MYRIP: variants seen among roughly 807,000 people sequenced by gnomAD.
The protein encoded by MYRIP is myosin VIIA and Rab interacting protein.
MYRIP carries 49 observed loss-of-function variants against 98.0 expected under a neutral mutation model. That is an observed-to-expected ratio of 0.50 (90% CI 0.40 to 0.63). MYRIP has a LOEUF of 0.63. Among genes scored for constraint, MYRIP ranks in the 30% least tolerant of loss-of-function variants. The pLI is 0.00. For synonymous variants in MYRIP, 404 were observed against 409.5 expected (o/e 0.99, Z 0.16); for missense variants, 1,004 against 1,058.2 (o/e 0.95, Z 0.71).
chr3:39,809,313 G>C (rs908305790), upstream of MYRIP, among the ~76,000 whole-genome samples: 1 of 151,318 alleles, frequency 6.6e-6, no homozygotes, highest in Non-Finnish European at 1.5e-5. Flanking sequence ...ACTGCACTGC[G>C]CCGCAGGGAA....
intron 8 of MYRIP, among the ~76,000 whole-genome samples, chr3:40,174,966 AC>A (rs1395272711): frequency 6.6e-6 from 1 of 151,894 alleles, no homozygotes; most frequent in Non-Finnish European, 1.5e-5. Flanking sequence ...ACATGGTGAA[AC>A]CCCATCTCTA....
Position 40,212,223 on chromosome 3 carries a change from TATACACACACACACACACACAC to T in MYRIP, c.1905+2134_1905+2155del, listed in dbSNP as rs1559456819. On this transcript the variant is annotated intron_variant, in intron 11 of 16. Coordinates refer to ENST00000302541, the MANE Select transcript of MYRIP (RefSeq NM_015460.4). ...ATATATACGTGTGTGTATATATATA[TATACACACACACACACACACAC>T]ATATATATATATACACGTATATATA... Among the ~76,000 whole-genome samples the T allele has an allele frequency of 3.5e-3, 271 of 77,576 alleles. 27 individuals are homozygous for T. The highest frequency in any genetic ancestry group is 8.7e-3 in the African/African-American group (251 of 28,832). 50.9% of individuals were successfully genotyped at this position (77,576 alleles called of 152,430 possible).
At chr3:40,028,976 C>T (rs1430826035) in intron 2 of MYRIP, among the ~76,000 whole-genome samples, 3 of 152,066 alleles carry the variant, frequency 2.0e-5, no homozygotes, top group Non-Finnish European at 4.4e-5. Flanking sequence ...CTTTAAAATG[C>T]CATTGGAATT....
At chr3:39,923,409 G>A (rs1944346953) in intron 2 of MYRIP, among the ~76,000 whole-genome samples, 1 of 151,888 alleles carries the variant, frequency 6.6e-6, no homozygotes, top group South Asian at 2.1e-4. Context: ...CTATACTCTT[G>A]AAAACAGAGA....
At chr3:39,872,458 G>C (rs568843145) in intron 1 of MYRIP, among the ~76,000 whole-genome samples, 130 of 151,618 alleles carry the variant, frequency 8.6e-4, no homozygotes, top group Non-Finnish European at 1.6e-3. Context: ...TTTAGCATTA[G>C]TTATATCTCC....
chr3:40,248,502 G>A (rs1424615885), intron 13 of MYRIP: 1 of 152,170 alleles, frequency 6.6e-6, no homozygotes, highest in African/African-American at 2.4e-5. Context: ...TATAGAGAGA[G>A]AAGATACAGG....
rs376845795 is a variant in MYRIP, at chr3:40,164,196, C to A, written c.550+1386C>A. Among the ~76,000 whole-genome samples, 5 of 152,170 alleles carry A rather than the reference C, an allele frequency of 3.3e-5. No individual in the cohort carries two copies. In the East Asian group the frequency reaches 9.6e-4, roughly 29 times the overall value. On this transcript the variant is annotated intron_variant, in intron 5 of 16. Coordinates refer to ENST00000302541, the MANE Select transcript of MYRIP (RefSeq NM_015460.4). ...AGTACCTGTCAGCTCTGTTTTCAAT[C>A]TTACACTTTTCTTTCCATTCCACAG...
At chr3:39,877,788 C>T (rs1207324824) in intron 1 of MYRIP, among the ~76,000 whole-genome samples, 1 of 152,180 alleles carries the variant, frequency 6.6e-6, no homozygotes, top group Non-Finnish European at 1.5e-5. Context: ...GCTCGGGGGT[C>T]AGGGGTCAGG....
intron 4 of MYRIP, among the ~76,000 whole-genome samples, chr3:40,155,808 T>A (rs1191974253): frequency 3.3e-5 from 5 of 152,184 alleles, no homozygotes; most frequent in Admixed American, 6.5e-5. Context: ...AAGTGTCTGT[T>A]CATGTCCTTT....
chr3:40,052,428 A>G (rs1211533486), intron 3 of MYRIP, among the ~76,000 whole-genome samples: 1 of 152,208 alleles, frequency 6.6e-6, no homozygotes, highest in Non-Finnish European at 1.5e-5. Context: ...TGAAAAATAC[A>G]TTAAACAATT....
In MYRIP at chr3:39,891,098, T is replaced by C. The variant is rs75059121; in HGVS notation, c.-30-9689T>C. On this transcript the variant is annotated intron_variant, in intron 1 of 16. Transcript: ENST00000302541. ...AAATGAAATTTACATTTTTGTTTCTTATTTTCCCAGTTGCTTTTTAAACAA... is the reference window on the plus strand; with the variant it reads ...AAATGAAATTTACATTTTTGTTTCTCATTTTCCCAGTTGCTTTTTAAACAA... Among the ~76,000 whole-genome samples the C allele has an allele frequency of 9.2e-3, 1,403 of 152,300 alleles. 25 individuals are homozygous for C. Among genetic ancestry groups the C allele is most frequent in the African/African-American group, 0.032 (1,326 of 41,560 alleles).
Position 39,956,993 on chromosome 3 carries a change from C to T in MYRIP, c.110+56067C>T, listed in dbSNP as rs930270672. Among the ~76,000 whole-genome samples the T allele has an allele frequency of 1.6e-4, 24 of 151,712 alleles. No individual in the cohort carries two copies. In the East Asian group the frequency reaches 2.1e-3, roughly 13 times the overall value. On this transcript the variant is annotated intron_variant, in intron 2 of 16. Coordinates refer to ENST00000302541, the MANE Select transcript of MYRIP (RefSeq NM_015460.4). ...GACTAAACCAGGAAGAAGTTGAATC[C>T]CTGAATAGACCAATAACAGGCTCTG...
At chr3:40,222,310 G>GAAA (rs903414712) in intron 11 of MYRIP, among the ~76,000 whole-genome samples, 1 of 152,170 alleles carries the variant, frequency 6.6e-6, no homozygotes, top group African/African-American at 2.4e-5. Flanking sequence ...TTGTTGCTAT[G>GAAA]AAAAGGGGTG....
intron 2 of MYRIP, among the ~76,000 whole-genome samples, chr3:39,963,921 G>A (rs1945382088): frequency 6.6e-6 from 1 of 152,116 alleles, no homozygotes; most frequent in African/African-American, 2.4e-5. Flanking sequence ...CGGAAGGATT[G>A]TGTCTAGCCA....
intron 2 of MYRIP, among the ~76,000 whole-genome samples, chr3:40,012,617 C>A (rs139963831): frequency 6.6e-6 from 1 of 152,134 alleles, no homozygotes; most frequent in East Asian, 1.9e-4. Context: ...TCATTCTCCC[C>A]GCTTGTGGAT....
intron 3 of MYRIP, among the ~76,000 whole-genome samples, chr3:40,143,298 G>A (rs983481523): frequency 6.6e-6 from 1 of 152,188 alleles, no homozygotes; most frequent in Admixed American, 6.5e-5. Flanking sequence ...CCGACACAAA[G>A]GTTCTTCTCA....
At chr3:39,970,375 T>C (rs1265804103) in intron 2 of MYRIP, 1 of 152,164 alleles carries the variant, frequency 6.6e-6, no homozygotes, top group Non-Finnish European at 1.5e-5. Flanking sequence ...AGATATGAAG[T>C]TCATTTCATA....
chr3:40,085,875 A>G (rs1948615775), intron 3 of MYRIP, among the ~76,000 whole-genome samples: 1 of 152,216 alleles, frequency 6.6e-6, no homozygotes. Context: ...TCTGACATTC[A>G]AGACAATCAT....
intron 1 of MYRIP, among the ~76,000 whole-genome samples, chr3:39,897,990 A>G (rs951522002): frequency 9.9e-5 from 15 of 152,182 alleles, no homozygotes; most frequent in Admixed American, 3.9e-4. Flanking sequence ...CCAAAATGCC[A>G]TTAACACCTT....
Sources: gnomAD v4.1 joint callset for allele counts (sites outside exome capture counted in the v4.1 genomes callset) on GRCh38, gnomAD v4.1.1 for gene constraint, MANE v1.5 for transcripts, NCBI Gene and HGNC (gene_info 2026-07-23, HGNC 2026-07-21) for gene names.